The following MLIP variants were observed in gnomAD, a reference collection of about 807,000 sequenced individuals.
MLIP encodes muscular LMNA-interacting protein.
MLIP carries 79 observed loss-of-function variants against 84.8 expected under a neutral mutation model. That is an observed-to-expected ratio of 0.93 (90% CI 0.78 to 1.12). The LOEUF is 1.12. Ranked by LOEUF, MLIP falls within the 50% of genes most tolerant of loss-of-function variation. The probability of loss-of-function intolerance (pLI) is 0.00; values close to 1 mark genes in which losing one functional copy is unlikely to be tolerated. For missense variants in MLIP, 1,257 were observed against 1,160.6 expected, an observed-to-expected ratio of 1.08 and a Z score of -1.21; for synonymous variants, 504 against 463.0, an observed-to-expected ratio of 1.09 and a Z score of -1.14.
At chr6:54,243,925 A>G (rs189558975) in intron 12 of MLIP, among the ~76,000 whole-genome samples, 1 of 152,322 alleles carries the variant, frequency 6.6e-6, no homozygotes, top group Admixed American at 6.5e-5. Context: ...TTACTGGCAG[A>G]GCCTGGGCTT....
At chr6:54,196,736 C>G (rs909247839) in intron 10 of MLIP, among the ~76,000 whole-genome samples, 1 of 152,036 alleles carries the variant, frequency 6.6e-6, no homozygotes, top group African/African-American at 2.4e-5. Flanking sequence ...CAGGTACAGG[C>G]ACCATTCTAG....
chr6:54,025,735 C>T (rs754704752), intron 1 of MLIP, among the ~76,000 whole-genome samples: 3 of 129,646 alleles, frequency 2.3e-5, no homozygotes, highest in East Asian at 2.0e-4. Context: ...TGCCCCCATA[C>T]GTTAACTCCC....
At chr6:54,092,108 G>A (rs1767909975) in intron 1 of MLIP, among the ~76,000 whole-genome samples, 1 of 152,136 alleles carries the variant, frequency 6.6e-6, no homozygotes, top group Admixed American at 6.6e-5. Flanking sequence ...AATAGGATGG[G>A]TTTCAATATC....
intron 3 of MLIP, among the ~76,000 whole-genome samples, chr6:54,131,120 T>C (rs1771338213): frequency 6.6e-6 from 1 of 152,340 alleles, no homozygotes; most frequent in Middle Eastern, 3.4e-3. Flanking sequence ...TTTTCCGTTG[T>C]ACAATAGCTT....
At chr6:54,252,505 ATAT>A (rs1203972980) in intron 12 of MLIP, among the ~76,000 whole-genome samples, 1 of 142,220 alleles carries the variant, frequency 7.0e-6, no homozygotes, top group Admixed American at 7.4e-5. Context: ...TAAATATAAT[ATAT>A]TATAACATAT....
chr6:54,134,884 A>G (rs540518608), intron 3 of MLIP, among the ~76,000 whole-genome samples: 2 of 152,198 alleles, frequency 1.3e-5, no homozygotes, highest in East Asian at 3.9e-4. Flanking sequence ...GCATAGTACA[A>G]CATGCAAAGA....
chr6:54,157,777 A>T (rs1774187234), intron 5 of MLIP, among the ~76,000 whole-genome samples: 1 of 152,134 alleles, frequency 6.6e-6, no homozygotes, highest in Non-Finnish European at 1.5e-5. Flanking sequence ...AGTTATTTTT[A>T]TGAAATTTTC....
intron 13 of MLIP, among the ~76,000 whole-genome samples, chr6:54,265,140 T>C (rs1227426156): frequency 1.6e-4 from 25 of 152,124 alleles, no homozygotes; most frequent in Non-Finnish European, 1.5e-5. Flanking sequence ...AGTTGGAACC[T>C]GGAAATAGAA....
intron 11 of MLIP, among the ~76,000 whole-genome samples, chr6:54,207,805 T>C (rs1438368814): frequency 6.6e-6 from 1 of 152,230 alleles, no homozygotes; most frequent in Non-Finnish European, 1.5e-5. Flanking sequence ...TCAAGGGAGA[T>C]TGGCCACTGC....
At chr6:54,223,595 A>G (rs1780370503) in intron 11 of MLIP, among the ~76,000 whole-genome samples, 1 of 152,102 alleles carries the variant, frequency 6.6e-6, no homozygotes, top group Non-Finnish European at 1.5e-5. Flanking sequence ...CTTTTATGAC[A>G]GTGCCATACT....
chr6:54,206,822 C>T (rs1779063420), intron 11 of MLIP, among the ~76,000 whole-genome samples: 1 of 152,158 alleles, frequency 6.6e-6, no homozygotes, highest in African/African-American at 2.4e-5. Flanking sequence ...ATACCTTTGT[C>T]GTAGGTGAAA....
chr6:54,033,267 ATTTTTT>A (rs1190645133), intron 1 of MLIP, among the ~76,000 whole-genome samples: 3 of 141,068 alleles, frequency 2.1e-5, no homozygotes, highest in Admixed American at 7.1e-5. Context: ...GGAGGAACTA[ATTTTTT>A]TTTTTTTTTT....
At chr6:54,192,316 T>A (rs981112813) in intron 10 of MLIP, among the ~76,000 whole-genome samples, 2 of 151,962 alleles carry the variant, frequency 1.3e-5, no homozygotes, top group Non-Finnish European at 2.9e-5. Context: ...AAAAATCTCT[T>A]CTACTGATAT....
rs1355782587 is a variant in MLIP, at chr6:54,266,131, G to T, written c.*176G>T. 1 of 628,474 alleles carries T rather than the reference G, an allele frequency of 1.6e-6. No homozygotes were observed. The highest frequency in any genetic ancestry group is 2.8e-6 in the Non-Finnish European group (1 of 351,552). The allele number at this position is 628,474 out of a possible 1,614,324, so 38.9% of individuals were successfully genotyped here. ...CAATTATATAGCATCACAGTGCTCT[G>T]CTAACAGCCAGCATAGAAGAGATTT... On this transcript the variant is annotated 3_prime_UTR_variant, in exon 14 of 14. Transcript: ENST00000502396.
chr6:54,118,216 T>A (rs116156150), intron 1 of MLIP, among the ~76,000 whole-genome samples: 1 of 152,106 alleles, frequency 6.6e-6, no homozygotes, highest in Admixed American at 6.5e-5. Flanking sequence ...CCAAAGCAAT[T>A]TGAGCAACAA....
chr6:54,093,808 A>C (rs536438495), intron 1 of MLIP, among the ~76,000 whole-genome samples: 1 of 152,216 alleles, frequency 6.6e-6, no homozygotes, highest in East Asian at 1.9e-4. Flanking sequence ...TTCTTTGCAT[A>C]TTTTCTTTGA....
At chr6:54,183,160 T>TGGAAACGTTGCTATGCTG (rs1421697720) in intron 9 of MLIP, among the ~76,000 whole-genome samples, 7 of 152,216 alleles carry the variant, frequency 4.6e-5, no homozygotes, top group Admixed American at 2.0e-4. Context: ...TTGTTATGCT[T>TGGAAACGTTGCTATGCTG]GGAAACGTTG....
intron 1 of MLIP, among the ~76,000 whole-genome samples, chr6:54,103,402 C>G (rs1768791806): frequency 6.6e-6 from 1 of 152,154 alleles, no homozygotes; most frequent in African/African-American, 2.4e-5. Flanking sequence ...CCTTTTCACT[C>G]TTGAAAGCGT....
chr6:54,023,133 C>G (rs1436332085), intron 1 of MLIP, among the ~76,000 whole-genome samples: 1 of 151,078 alleles, frequency 6.6e-6, no homozygotes, highest in African/African-American at 2.4e-5. Context: ...CGCCACTGCA[C>G]TCCAGCCTGG....
Sources: allele counts gnomAD v4.1 joint callset (sites outside exome capture counted in the v4.1 genomes callset), GRCh38; gene constraint gnomAD v4.1.1; transcripts MANE v1.5; gene names NCBI Gene and HGNC (gene_info 2026-07-23, HGNC 2026-07-21).